Variants in PZP observed in about 807,000 individuals in gnomAD.
The protein encoded by PZP is pregnancy zone protein.
A neutral mutation model predicts 179.8 loss-of-function variants in PZP; 150 were observed. That is an observed-to-expected ratio of 0.83 (90% CI 0.73 to 0.96). The LOEUF (loss-of-function observed/expected upper bound fraction) is 0.96. Among genes scored for constraint, PZP ranks in the 40% least tolerant of loss-of-function variants. The pLI is 0.00. For missense variants in PZP, 1,689 were observed against 1,764.0 expected (o/e 0.96, Z 0.76); for synonymous variants, 624 against 652.3 (o/e 0.96, Z 0.66).
At chr12:9,159,030 T>A (rs1477621039) in intron 25 of PZP, among the ~76,000 whole-genome samples, 2 of 152,166 alleles carry the variant, frequency 1.3e-5, no homozygotes, top group Non-Finnish European at 2.9e-5. Flanking sequence ...CCCTTCCACT[T>A]TTTTCCCCTG....
rs747545438 is a variant in PZP, at chr12:9,191,125, T to C, written c.1546+1068A>G. Reference sequence around the variant, plus strand: ...ACAAAGTAAATGATTAAATAACTAGTCCTCATTTTACTATATAGAGATTTT... The same window carrying C: ...ACAAAGTAAATGATTAAATAACTAGCCCTCATTTTACTATATAGAGATTTT... On this transcript the variant is annotated intron_variant, in intron 13 of 35. Transcript: ENST00000261336. Among the ~76,000 whole-genome samples the C allele has an allele frequency of 1.5e-3, 226 of 152,250 alleles. 1 individual carries two copies. The highest frequency in any genetic ancestry group is 5.4e-3 in the African/African-American group (224 of 41,564).
At chr12:9,185,014 C>T (rs950229574) in intron 13 of PZP, among the ~76,000 whole-genome samples, 2 of 152,168 alleles carry the variant, frequency 1.3e-5, no homozygotes, top group Non-Finnish European at 2.9e-5. Context: ...ACTCAAAGAG[C>T]CAGAGCATCT....
At chr12:9,163,874 C>A in intron 20 of PZP, 85 bp from the exon 21 acceptor site, 1 of 1,459,088 alleles carries the variant, frequency 6.9e-7, no homozygotes, top group Middle Eastern at 1.8e-4. Flanking sequence ...TTATAGTTGT[C>A]CAGAATAGAA....
At chr12:9,187,731 A>G (rs1027756374) in intron 13 of PZP, among the ~76,000 whole-genome samples, 1 of 152,234 alleles carries the variant, frequency 6.6e-6, no homozygotes, top group Non-Finnish European at 1.5e-5. Context: ...GAAAAGTTAG[A>G]AAGATCTCAA....
At chr12:9,176,861 T>C (rs551796292) in intron 15 of PZP, among the ~76,000 whole-genome samples, 2 of 152,244 alleles carry the variant, frequency 1.3e-5, no homozygotes, top group Non-Finnish European at 2.9e-5. Flanking sequence ...TTTAGTTCAA[T>C]GTCTTTGTAT....
rs1373122717 is a variant in PZP, at chr12:9,151,627, G to C, written c.4258C>G (p.His1420Asp). The stretch of plus-strand genomic sequence containing the variant: ...ACCTGTTCCACATAAATGAGGACAT[G>C]GTTGTTGCTCACTTCTGTCCGGCTC... ...SVSRTEVSNN[H>D]VLIYVEQVTN... Residue 1420 changes from histidine (H) to aspartate (D), a missense_variant, in exon 33 of 36, where the codon CAT becomes GAT. Coordinates refer to ENST00000261336, the MANE Select transcript of PZP (RefSeq NM_002864.3). The C allele has an allele frequency of 4.3e-6, 7 of 1,613,832 alleles. No homozygotes were observed. In the African/African-American group the frequency reaches 8.0e-5, roughly 18 times the overall value.
Position 9,196,764 on chromosome 12 carries a change from G to A in PZP, c.868-79C>T, listed in dbSNP as rs1441227744. 4 of 1,293,842 alleles carry A rather than the reference G, an allele frequency of 3.1e-6. No individual in the cohort carries two copies. The East Asian group carries it at 7.1e-5, about 23-fold the overall frequency. The allele number at this position is 1,293,842 out of a possible 1,614,324, so 80.1% of individuals were successfully genotyped here. On this transcript the variant is annotated intron_variant, in intron 8 of 35. Transcript: ENST00000261336. ...CTGAATCTACTATTCTGTCTCTAAT[G>A]ACAAGAAAACTTTTTTTTTGCATTA...
At chr12:9,189,464 C>T (rs1002756436) in intron 13 of PZP, among the ~76,000 whole-genome samples, 1 of 152,118 alleles carries the variant, frequency 6.6e-6, no homozygotes, top group African/African-American at 2.4e-5. Flanking sequence ...ACTGGATCCC[C>T]GCCTTACACA....
Position 9,166,047 on chromosome 12 carries a change from C to G in PZP, c.2258+5G>C. ...CAGCAAATGGAGGAAAGTAAAGTTA[C>G]TTACTTCACTGCCACCAACTCCCAG... is the stretch of plus-strand genomic sequence containing the variant. On this transcript the variant is annotated splice_donor_5th_base_variant and intron_variant, in intron 18 of 35. Coordinates refer to ENST00000261336, the MANE Select transcript of PZP (RefSeq NM_002864.3). 1 of 1,600,496 alleles carries G rather than the reference C, an allele frequency of 6.2e-7. No individual in the cohort carries two copies. The highest frequency in any genetic ancestry group is 8.5e-7 in the Non-Finnish European group (1 of 1,175,748).
the PZP span, among the ~76,000 whole-genome samples, chr12:9,142,668 G>A: frequency 3.3e-5 from 5 of 152,164 alleles, no homozygotes; most frequent in Non-Finnish European, 7.3e-5. Flanking sequence ...AGAAAATCCA[G>A]TAGTTATAAG....
the PZP span, among the ~76,000 whole-genome samples, chr12:9,142,104 C>T: frequency 1.3e-5 from 2 of 152,132 alleles, no homozygotes; most frequent in Non-Finnish European, 2.9e-5. Flanking sequence ...TAATTTACTT[C>T]AGGACAGGAA....
intron 15 of PZP, among the ~76,000 whole-genome samples, chr12:9,173,655 G>A (rs1942157965): frequency 1.3e-5 from 2 of 152,274 alleles, no homozygotes; most frequent in Non-Finnish European, 2.9e-5. Flanking sequence ...TATCACCACT[G>A]ACCTCACAGA....
rs34858682 is a variant in PZP at position 9,185,658 on chromosome 12, GAAA to G, written c.1547-3544_1547-3542del. ...CAGATTCACCAAGGTTGAAATGAATGAAAAAAAAAAAATGTTAAAGGTAGCTAG... is the reference window on the plus strand; with the variant it reads ...CAGATTCACCAAGGTTGAAATGAATGAAAAAAAAATGTTAAAGGTAGCTAG... On this transcript the variant is annotated intron_variant, in intron 13 of 35. Coordinates refer to ENST00000261336, the MANE Select transcript of PZP (RefSeq NM_002864.3). Among the ~76,000 whole-genome samples, 106 of 149,904 alleles carry G rather than the reference GAAA, an allele frequency of 7.1e-4. 1 individual carries two copies. In the South Asian group the frequency reaches 0.017, roughly 24 times the overall value.
chr12:9,160,889 T>C, intron 23 of PZP, 144 bp downstream of exon 23: 1 of 729,700 alleles, frequency 1.4e-6, no homozygotes, highest in South Asian at 1.6e-5. Context: ...TACTCCAGCC[T>C]GGGCGACAGA....
chr12:9,181,237 G>A (rs1781710172), intron 14 of PZP, 105 bp from the exon 15 acceptor site: 8 of 1,388,154 alleles, frequency 5.8e-6, no homozygotes, highest in Non-Finnish European at 7.9e-6. Context: ...ATATGACTAT[G>A]TTGGTAATGT....
rs767201731 is a variant in PZP, at chr12:9,154,795, C to A, written c.3595G>T (p.Val1199Leu). The change falls in exon 29 of 36, where the codon GTG (valine) becomes TTG (leucine). Residue 1199 changes from valine (V) to leucine (L), a missense_variant. This residue lies in a region of PZP where 746 missense variants were observed against 749.2 expected (regional missense o/e 1.00). Coordinates refer to ENST00000261336, the MANE Select transcript of PZP (RefSeq NM_002864.3). ...GCCTGGGTTTGGTAAAGATGCCCCA[C>A]TGGTGCCTTGGGTCTCTGAGGGCGC... ...WERPQRPKAPVGHLYQTQAPS... is the reference protein window; with the variant it reads ...WERPQRPKAPLGHLYQTQAPS... 5.6e-6 allele frequency: 9 copies of A among 1,614,124 alleles called. No homozygotes were observed. Among genetic ancestry groups the A allele is most frequent in the Non-Finnish European group, 7.6e-6 (9 of 1,180,016 alleles).
At chr12:9,160,548 T>G (rs1285180818) in intron 23 of PZP, 58 bp from the exon 24 acceptor site, 1 of 1,524,066 alleles carries the variant, frequency 6.6e-7, no homozygotes, top group Admixed American at 1.9e-5. Flanking sequence ...TAGCCAACAT[T>G]ATTAACAAAA....
At chr12:9,183,424 G>A (rs1264401126) in intron 13 of PZP, among the ~76,000 whole-genome samples, 16 of 151,606 alleles carry the variant, frequency 1.1e-4, no homozygotes, top group Non-Finnish European at 1.6e-4. Context: ...TTTTGAGACA[G>A]GGTCTTGCTC....
At chr12:9,202,255 A>T in intron 4 of PZP, 64 bp downstream of exon 4, 1 of 1,380,178 alleles carries the variant, frequency 7.2e-7, no homozygotes, top group Non-Finnish European at 1.0e-6. Flanking sequence ...GTACCTTTCT[A>T]CCTCACTCTG....
Sources: gnomAD v4.1 joint callset for allele counts (sites outside exome capture counted in the v4.1 genomes callset) on GRCh38, gnomAD v4.1.1 for gene constraint, gnomAD v4.1.1 regional missense constraint, MANE v1.5 for transcripts, NCBI Gene and HGNC (gene_info 2026-07-23, HGNC 2026-07-21) for gene names.